The following EZH1 variants were observed in gnomAD, a reference collection of about 807,000 sequenced individuals.
The protein encoded by EZH1 is enhancer of zeste 1 polycomb repressive complex 2 subunit, also known as histone-lysine N-methyltransferase EZH1.
Under a neutral mutation model 100.5 loss-of-function variants are expected in EZH1, and 33 were observed. The ratio of observed to expected loss-of-function variants is 0.33; its 90% CI spans 0.25 to 0.44. EZH1 has a LOEUF of 0.44. Ranked by LOEUF, EZH1 falls within the 20% of genes least tolerant of loss-of-function variation. The probability of loss-of-function intolerance (pLI) is 1.00; values close to 1 mark genes in which losing one functional copy is unlikely to be tolerated. For missense variants in EZH1, 475 were observed against 928.4 expected, an observed-to-expected ratio of 0.51 and a Z score of 6.35; for synonymous variants, 272 against 313.8, an observed-to-expected ratio of 0.87 and a Z score of 1.41.
At chr17:42,703,425 G>T (rs1249625062) in intron 19 of EZH1, 2 of 334,900 alleles carry the variant, frequency 6.0e-6, no homozygotes. Context: ...TGATCCACCT[G>T]CCTCAGCCTC....
chr17:42,744,303 T>C (rs1335380692), intron 1 of EZH1, among the ~76,000 whole-genome samples: 2 of 152,186 alleles, frequency 1.3e-5, no homozygotes, highest in African/African-American at 4.8e-5. Flanking sequence ...TTCAAGGCAC[T>C]TTTATTTATA....
rs559486912 is a variant in EZH1, at chr17:42,739,260, C to T, written c.-103+5751G>A. On this transcript the variant is annotated intron_variant, in intron 1 of 20. Transcript: ENST00000428826. Reference sequence around the variant, plus strand: ...CACAGCCTGATCTCTCAGTTAGGATCTATAAAGCACATCTCTAATTTATAC... The same window carrying T: ...CACAGCCTGATCTCTCAGTTAGGATTTATAAAGCACATCTCTAATTTATAC... Among the ~76,000 whole-genome samples the T allele has an allele frequency of 9.2e-5, 14 of 152,236 alleles. No homozygotes were observed. In the South Asian group the frequency reaches 2.5e-3, roughly 27 times the overall value.
chr17:42,718,220 C>A lies in EZH1; in HGVS notation c.932-153G>T. Reference sequence around the variant, plus strand: ...AAAATTCAGTCATTTCTGACATCAACACAATGCTTTCAAAGCTAAGAGGTA... The same window carrying A: ...AAAATTCAGTCATTTCTGACATCAAAACAATGCTTTCAAAGCTAAGAGGTA... On this transcript the variant is annotated intron_variant, in intron 9 of 20. Coordinates refer to ENST00000428826, the MANE Select transcript of EZH1 (RefSeq NM_001991.5). The surrounding 1 kb of genome is among the most constrained non-coding windows in gnomAD (Gnocchi z 4.2). The A allele has an allele frequency of 1.2e-6, 1 of 850,284 alleles. No individual in the cohort carries two copies. The highest frequency in any genetic ancestry group is 2.4e-5 in the Admixed American group (1 of 40,980). The allele number at this position is 850,284 out of a possible 1,614,324, so 52.7% of individuals were successfully genotyped here. A position where few individuals can be genotyped will look rare whatever the true frequency, so the allele number is the denominator to read the frequency against.
intron 11 of EZH1, 124 bp downstream of exon 11, chr17:42,713,085 A>G (rs117168775): frequency 0.016 from 12,199 of 774,226 alleles, 142 homozygotes; most frequent in Non-Finnish European, 0.021. Flanking sequence ...TTTACTGTTT[A>G]CAAAACTTGT....
At chr17:42,726,462 C>T (rs776547736) in intron 4 of EZH1, among the ~76,000 whole-genome samples, 1 of 150,478 alleles carries the variant, frequency 6.6e-6, no homozygotes. Flanking sequence ...GTCTGGGTGA[C>T]ATAGTGAGAT....
In EZH1 at chr17:42,719,189, T is replaced by A. The variant is rs777039568; in HGVS notation, c.683A>T (p.Lys228Met). 1 of 1,613,894 alleles carries A rather than the reference T, an allele frequency of 6.2e-7. No homozygotes were observed. The stretch of plus-strand genomic sequence containing the variant: ...GATCATGTCATTTGGGAACTGTTTC[T>A]TGGAACTCTTTTTGTTGCCTGAATT... ...HAIEGNKKSS[K>M]KQFPNDMIFS... is the part of the protein sequence containing the mutation. The change falls in exon 8 of 21, where the codon AAG becomes ATG. Residue 228 changes from lysine to methionine, a missense_variant. Physicochemically the swap from Lys to Met is moderately conservative, Grantham distance 95. Around this residue, in one of 8 missense-constraint regions of EZH1, gnomAD observed 180 missense variants for 295.3 expected, o/e 0.61. Coordinates refer to ENST00000428826, the MANE Select transcript of EZH1 (RefSeq NM_001991.5).
At chr17:42,703,556 T>C in intron 19 of EZH1, 184 bp downstream of exon 19, 1 of 599,748 alleles carries the variant, frequency 1.7e-6, no homozygotes, top group Non-Finnish European at 3.0e-6. Context: ...GTTTATAATG[T>C]ATTCGCTGAA....
At chr17:42,733,475 T>G (rs866114257) in intron 1 of EZH1, among the ~76,000 whole-genome samples, 14 of 149,722 alleles carry the variant, frequency 9.4e-5, no homozygotes, top group Middle Eastern at 3.5e-3. Context: ...CCCCGTCTCT[T>G]CTAAAAATAC....
intron 1 of EZH1, among the ~76,000 whole-genome samples, chr17:42,738,175 CA>C (rs1175336340): frequency 0.073 from 4,169 of 57,224 alleles, 110 homozygotes; most frequent in African/African-American, 0.19. Flanking sequence ...GACTCTGTCT[CA>C]AAAAAAAAAA....
intron 12 of EZH1, 81 bp downstream of exon 12, chr17:42,712,208 A>G (rs2053496961): frequency 7.0e-7 from 1 of 1,431,532 alleles, no homozygotes; most frequent in East Asian, 2.3e-5. Context: ...CCAGACACAC[A>G]GCCTGGTAAG....
At chr17:42,729,165 A>G (rs1385378898) in intron 2 of EZH1, 5 of 408,624 alleles carry the variant, frequency 1.2e-5, no homozygotes, top group Non-Finnish European at 2.2e-5. Flanking sequence ...CCAACACTTT[A>G]GGAAGCCGAG....
intron 1 of EZH1, among the ~76,000 whole-genome samples, chr17:42,731,143 A>T (rs1041565471): frequency 6.6e-6 from 1 of 151,744 alleles, no homozygotes; most frequent in South Asian, 2.1e-4. Flanking sequence ...TTAAAGACAG[A>T]GTCTCACTCT....
chr17:42,720,011 ATATATAAATTGGCATGAT>A (rs1369745941), intron 7 of EZH1, among the ~76,000 whole-genome samples: 1 of 152,266 alleles, frequency 6.6e-6, no homozygotes, highest in Non-Finnish European at 1.5e-5. Flanking sequence ...ATATATACAT[ATATATAAATTGGCATGAT>A]CCCAATTTCA....
chr17:42,720,683 G>A (rs181978287), intron 6 of EZH1, among the ~76,000 whole-genome samples: 40 of 152,068 alleles, frequency 2.6e-4, no homozygotes, highest in African/African-American at 8.0e-4. Flanking sequence ...TTTTTTAGAC[G>A]GAGTTTCGCC....
chr17:42,713,187 C>T (rs1473528375), intron 11 of EZH1, 22 bp downstream of exon 11: 1 of 1,609,464 alleles, frequency 6.2e-7, no homozygotes, highest in Non-Finnish European at 8.5e-7. Flanking sequence ...AAGAAAAAGT[C>T]TTCATTTTCT....
rs1308468063 is a variant in EZH1 at position 42,706,822 on chromosome 17, G to T, written c.1661-637C>A. Among the ~76,000 whole-genome samples the T allele has an allele frequency of 6.6e-6, 1 of 152,108 alleles. No homozygotes were observed. The highest frequency in any genetic ancestry group is 1.5e-5 in the Non-Finnish European group (1 of 68,026). ...AATATGAAATCAGTGTGTTTCACTG[G>T]TAAATTGTCACCATCAAAACAAGTA... On this transcript the variant is annotated intron_variant, in intron 15 of 20. Coordinates refer to ENST00000428826, the MANE Select transcript of EZH1 (RefSeq NM_001991.5). This position sits in a 1 kb window ranked among gnomAD's most constrained non-coding sequence, Gnocchi z 4.4.
chr17:42,720,269 G>C lies in EZH1; in HGVS notation c.664+4C>G. 6.2e-7 allele frequency: 1 copy of C among 1,611,700 alleles called. No individual in the cohort carries two copies. Among genetic ancestry groups the C allele is most frequent in the Non-Finnish European group, 8.5e-7 (1 of 1,178,984 alleles). On this transcript the variant is annotated splice_donor_region_variant and intron_variant, in intron 7 of 20. Coordinates refer to ENST00000428826, the MANE Select transcript of EZH1 (RefSeq NM_001991.5). ...AAAGGAATAAGGGAGCCAGTGCTACGTACCTTCAATAGCATGTCGCTTTCT... is the reference window on the plus strand; with the variant it reads ...AAAGGAATAAGGGAGCCAGTGCTACCTACCTTCAATAGCATGTCGCTTTCT...
In EZH1 at chr17:42,701,612, A is replaced by T. The variant is rs1567980303; in HGVS notation, c.*920T>A. ...GCCATTGGGCCTTGCCTCTATGGGG[A>T]ATGGAAGGCCTGAAAACACCCACAA... On this transcript the variant is annotated 3_prime_UTR_variant, in exon 21 of 21. Transcript: ENST00000428826. The T allele has an allele frequency of 6.5e-6, 1 of 152,912 alleles. No individual in the cohort carries two copies. Among genetic ancestry groups the T allele is most frequent in the Non-Finnish European group, 1.5e-5 (1 of 68,172 alleles). The allele number at this position is 152,912 out of a possible 1,614,324, so 9.5% of individuals were successfully genotyped here. A position where few individuals can be genotyped will look rare whatever the true frequency, so the allele number is the denominator to read the frequency against.
At chr17:42,712,511 C>T in intron 11 of EZH1, 26 bp from the exon 12 acceptor site, 1 of 1,603,232 alleles carries the variant, frequency 6.2e-7, no homozygotes, top group Non-Finnish European at 8.5e-7. Flanking sequence ...ATAACAGAAT[C>T]AGAAGAAGGT....
Sources: allele counts gnomAD v4.1 joint callset (sites outside exome capture counted in the v4.1 genomes callset), GRCh38; gene constraint gnomAD v4.1.1; regional missense constraint gnomAD v4.1.1; non-coding constraint Gnocchi (gnomAD v3.1); transcripts MANE v1.5; gene names NCBI Gene and HGNC (gene_info 2026-07-23, HGNC 2026-07-21).